COL23A1: variants seen among roughly 807,000 people sequenced by gnomAD.
The protein encoded by COL23A1 is collagen alpha-1(XXIII) chain.
Under a neutral mutation model 99.3 loss-of-function variants are expected in COL23A1, and 97 were observed. The observed-to-expected ratio is 0.98, with a 90% confidence interval of 0.83 to 1.16. COL23A1 has a LOEUF of 1.16. COL23A1 is among the 50% of genes most tolerant of loss of function. The probability of loss-of-function intolerance (pLI) is 0.00; values close to 1 mark genes in which losing one functional copy is unlikely to be tolerated. For missense variants in COL23A1, 762 were observed against 757.4 expected, an observed-to-expected ratio of 1.01 and a Z score of -0.07; for synonymous variants, 320 against 308.2, an observed-to-expected ratio of 1.04 and a Z score of -0.40.
At chr5:178,512,816 C>T (rs944560732) in intron 2 of COL23A1, among the ~76,000 whole-genome samples, 4 of 152,248 alleles carry the variant, frequency 2.6e-5, no homozygotes, top group African/African-American at 9.6e-5. Context: ...GTGACCCAAT[C>T]TGACAGGACT....
At chr5:178,570,045 G>A (rs641279) in intron 1 of COL23A1, among the ~76,000 whole-genome samples, 54,649 of 151,630 alleles carry the variant, frequency 0.36, 11,022 homozygotes, top group African/African-American at 0.55. Flanking sequence ...CCTAGGGAGC[G>A]GGAATGTTGG....
chr5:178,272,001 C>G (rs188194280), intron 5 of COL23A1, among the ~76,000 whole-genome samples: 1 of 152,214 alleles, frequency 6.6e-6, no homozygotes, highest in Non-Finnish European at 1.5e-5. Context: ...TGGCTGAGGA[C>G]GGACTCCCAG....
intron 2 of COL23A1, among the ~76,000 whole-genome samples, chr5:178,361,001 C>T (rs560265814): frequency 3.9e-5 from 6 of 152,342 alleles, no homozygotes; most frequent in Admixed American, 6.5e-5. Flanking sequence ...GGACTGAACA[C>T]GTCTCAGGGA....
chr5:178,500,746 A>G (rs1758482679), intron 2 of COL23A1, among the ~76,000 whole-genome samples: 1 of 152,150 alleles, frequency 6.6e-6, no homozygotes, highest in South Asian at 2.1e-4. Flanking sequence ...AAACATTAAA[A>G]TTTTTAGAAG....
chr5:178,485,043 A>G (rs1757543567), intron 2 of COL23A1, among the ~76,000 whole-genome samples: 1 of 152,206 alleles, frequency 6.6e-6, no homozygotes, highest in South Asian at 2.1e-4. Flanking sequence ...GGCTCTGGCA[A>G]TCTTGACCTA....
chr5:178,358,662 ATG>A (rs746729937), intron 2 of COL23A1, among the ~76,000 whole-genome samples: 31 of 99,596 alleles, frequency 3.1e-4, no homozygotes, highest in Admixed American at 1.5e-3. Context: ...GTACGTGTGT[ATG>A]TGTCTAATGT....
At chr5:178,333,834 G>A (rs114740621) in intron 2 of COL23A1, among the ~76,000 whole-genome samples, 1,767 of 152,244 alleles carry the variant, frequency 0.012, 25 homozygotes, top group Non-Finnish European at 0.017. Flanking sequence ...AACGCAGCAC[G>A]GGGAAGGCTG....
intron 2 of COL23A1, among the ~76,000 whole-genome samples, chr5:178,506,578 G>T (rs553563414): frequency 4.4e-4 from 67 of 152,286 alleles, no homozygotes; most frequent in African/African-American, 1.6e-3. Context: ...CTGGTGTGGG[G>T]CTGTGGTCAC....
chr5:178,430,948 A>C (rs1766228795), intron 2 of COL23A1, among the ~76,000 whole-genome samples: 1 of 152,124 alleles, frequency 6.6e-6, no homozygotes, highest in Non-Finnish European at 1.5e-5. Context: ...TAAAGACATG[A>C]GCGGCCTGCT....
intron 2 of COL23A1, among the ~76,000 whole-genome samples, chr5:178,388,946 G>A (rs546976060): frequency 6.6e-6 from 1 of 152,320 alleles, no homozygotes; most frequent in East Asian, 1.9e-4. Flanking sequence ...CCAAACTTCT[G>A]TGACTGTGGA....
At chr5:178,243,488 C>CAA (rs1199927228) in intron 25 of COL23A1, among the ~76,000 whole-genome samples, 64 of 86,768 alleles carry the variant, frequency 7.4e-4, no homozygotes, top group African/African-American at 2.5e-3. Flanking sequence ...ACTCCATCTC[C>CAA]AAAAAAAAAA....
Position 178,387,266 on chromosome 5 carries a change from T to A in COL23A1, c.362-80347A>T, listed in dbSNP as rs1189561401. ...CGTTCTGTAGCCTGGTGATCACCCC[T>A]TATGCCTGGGCCCAGACTCCCCACT... On this transcript the variant is annotated intron_variant, in intron 2 of 28. Transcript: ENST00000390654. This position sits in a 1 kb window ranked among gnomAD's most constrained non-coding sequence, Gnocchi z 4.7. Among the ~76,000 whole-genome samples the A allele has an allele frequency of 2.0e-5, 3 of 152,034 alleles. No homozygotes were observed. The highest frequency in any genetic ancestry group is 6.6e-5 in the Admixed American group (1 of 15,254).
chr5:178,329,063 A>C (rs1304366212), intron 2 of COL23A1, among the ~76,000 whole-genome samples: 1 of 152,120 alleles, frequency 6.6e-6, no homozygotes, highest in East Asian at 1.9e-4. Context: ...GGCAGCTCAA[A>C]GCCCCTTTGT....
At chr5:178,390,834 G>GAAAACAT (rs1763925654) in intron 2 of COL23A1, among the ~76,000 whole-genome samples, 2 of 152,332 alleles carry the variant, frequency 1.3e-5, no homozygotes, top group African/African-American at 4.8e-5. Context: ...ACTCTTAGAA[G>GAAAACAT]AAAACATAGG....
chr5:178,502,757 G>A (rs1314914294), intron 2 of COL23A1, among the ~76,000 whole-genome samples: 1 of 152,220 alleles, frequency 6.6e-6, no homozygotes, highest in Non-Finnish European at 1.5e-5. Flanking sequence ...CCACTTCTGG[G>A]CATGAACCCT....
intron 2 of COL23A1, among the ~76,000 whole-genome samples, chr5:178,311,888 G>A (rs1416550103): frequency 1.3e-5 from 2 of 152,038 alleles, no homozygotes; most frequent in Non-Finnish European, 2.9e-5. Context: ...GCGCCACCAT[G>A]CCTGGCTAAT....
intron 2 of COL23A1, among the ~76,000 whole-genome samples, chr5:178,507,441 G>A (rs1321874837): frequency 6.6e-6 from 1 of 152,194 alleles, no homozygotes; most frequent in Non-Finnish European, 1.5e-5. Flanking sequence ...GAAACCGTTA[G>A]CTGGCCACTT....
intron 2 of COL23A1, among the ~76,000 whole-genome samples, chr5:178,498,252 A>ATG (rs1450243075): frequency 8.2e-4 from 58 of 71,112 alleles, no homozygotes; most frequent in Admixed American, 1.3e-3. Context: ...ATATATATAT[A>ATG]TATATAAAAG....
intron 1 of COL23A1, among the ~76,000 whole-genome samples, chr5:178,580,697 G>A (rs889531091): frequency 1.3e-5 from 2 of 152,184 alleles, no homozygotes; most frequent in Non-Finnish European, 2.9e-5. Flanking sequence ...GACCAAGCAC[G>A]GTGCCTGGCA....
Sources: allele counts gnomAD v4.1 joint callset (sites outside exome capture counted in the v4.1 genomes callset), GRCh38; gene constraint gnomAD v4.1.1; non-coding constraint Gnocchi (gnomAD v3.1); transcripts MANE v1.5; gene names NCBI Gene and HGNC (gene_info 2026-07-23, HGNC 2026-07-21).